The following TMEM132C variants were observed in gnomAD, a reference collection of about 807,000 sequenced individuals.
TMEM132C encodes the protein transmembrane protein 132C.
A neutral mutation model predicts 61.4 loss-of-function variants in TMEM132C; 29 were observed. That is an observed-to-expected ratio of 0.47 (90% CI 0.35 to 0.64). The LOEUF (loss-of-function observed/expected upper bound fraction) is 0.64. TMEM132C is among the 30% of genes least tolerant of loss of function. The probability of loss-of-function intolerance (pLI) is 0.00; values close to 1 mark genes in which losing one functional copy is unlikely to be tolerated. For missense variants in TMEM132C, 1,408 were observed against 1,476.9 expected, an observed-to-expected ratio of 0.95 and a Z score of 0.76; for synonymous variants, 656 against 633.1, an observed-to-expected ratio of 1.04 and a Z score of -0.54.
chr12:128,642,579 G>A lies in TMEM132C; in HGVS notation c.1305+26244G>A, dbSNP rs1034765425. On this transcript the variant is annotated intron_variant, in intron 4 of 8. Coordinates refer to ENST00000435159, the MANE Select transcript of TMEM132C (RefSeq NM_001136103.3). ...GGTTGTTAAAGAGTCTGAGACGTCC[G>A]CTTCTCTCTCTTGCTCCCTCTCTCG... Among the ~76,000 whole-genome samples the A allele has an allele frequency of 7.2e-5, 11 of 152,208 alleles. No individual in the cohort carries two copies. The East Asian group carries it at 2.1e-3, about 29-fold the overall frequency.
chr12:128,290,812 C>T (rs1871222061), intron 1 of TMEM132C, among the ~76,000 whole-genome samples: 1 of 143,746 alleles, frequency 7.0e-6, no homozygotes, highest in Non-Finnish European at 1.5e-5. Flanking sequence ...AAAAGAACAA[C>T]AAATAGATTC....
At chr12:128,618,942 T>A (rs1325539877) in intron 4 of TMEM132C, among the ~76,000 whole-genome samples, 5 of 152,226 alleles carry the variant, frequency 3.3e-5, no homozygotes, top group Non-Finnish European at 5.9e-5. Flanking sequence ...AGAAAATAGA[T>A]GAGGCAATTT....
chr12:128,371,370 A>G (rs1048772936), intron 1 of TMEM132C, among the ~76,000 whole-genome samples: 1 of 152,174 alleles, frequency 6.6e-6, no homozygotes, highest in African/African-American at 2.4e-5. Context: ...CAATCAAAGC[A>G]TCCATCTTCC....
chr12:128,337,337 C>T (rs929529792), intron 1 of TMEM132C, among the ~76,000 whole-genome samples: 3 of 152,038 alleles, frequency 2.0e-5, no homozygotes, highest in Admixed American at 6.6e-5. Flanking sequence ...TTCTATTGTT[C>T]GCGGGGACTC....
chr12:128,684,043 A>T (rs1184531996), intron 5 of TMEM132C, among the ~76,000 whole-genome samples: 4 of 152,026 alleles, frequency 2.6e-5, no homozygotes, highest in Non-Finnish European at 4.4e-5. Context: ...TTTTCCTGGA[A>T]CCGTCTTCCC....
chr12:128,356,246 A>G (rs1036024074), intron 1 of TMEM132C, among the ~76,000 whole-genome samples: 4 of 152,228 alleles, frequency 2.6e-5, no homozygotes. Flanking sequence ...CAGGAGGCTG[A>G]CTTTGTAAGA....
At chr12:128,424,068 A>C (rs1869095702) in intron 2 of TMEM132C, among the ~76,000 whole-genome samples, 1 of 150,794 alleles carries the variant, frequency 6.6e-6, no homozygotes, top group Non-Finnish European at 1.5e-5. Flanking sequence ...AAAAAAAAAA[A>C]AACTTTGGGA....
At chr12:128,678,478 A>ATCT (rs1005012390) in intron 5 of TMEM132C, among the ~76,000 whole-genome samples, 24 of 152,192 alleles carry the variant, frequency 1.6e-4, no homozygotes, top group African/African-American at 5.8e-4. Flanking sequence ...TTCTTCTTTA[A>ATCT]GCCTCAGTTC....
chr12:128,443,333 G>T (rs193117839), intron 2 of TMEM132C, among the ~76,000 whole-genome samples: 1 of 151,994 alleles, frequency 6.6e-6, no homozygotes, highest in Non-Finnish European at 1.5e-5. Context: ...CACTGCTCAG[G>T]TCACAGGTGC....
intron 3 of TMEM132C, among the ~76,000 whole-genome samples, chr12:128,611,958 A>G (rs187995630): frequency 1.1e-3 from 170 of 152,316 alleles, no homozygotes; most frequent in African/African-American, 3.9e-3. Context: ...ATGGGGTTGC[A>G]TTTTCTTCAA....
Position 128,415,131 on chromosome 12 carries a change from G to A in TMEM132C, c.485G>A (p.Gly162Asp), listed in dbSNP as rs928296587. 1.2e-6 allele frequency: 2 copies of A among 1,609,582 alleles called. No individual in the cohort carries two copies. The highest frequency in any genetic ancestry group is 2.7e-5 in the African/African-American group (2 of 74,762). The part of the protein sequence containing the change: ...HIMGRDWDDH[G>D]AGEKLPCLRV... ...ATGGGCAGAGACTGGGATGACCACG[G>A]CGCCGGGGAGAAGCTGCCATGCCTG... The change falls in exon 2 of 9, where the codon GGC becomes GAC. Residue 162 changes from glycine (G) to aspartate (D), a missense_variant. Physicochemically the swap from Gly to Asp is moderately conservative, Grantham distance 94. Coordinates refer to ENST00000435159, the MANE Select transcript of TMEM132C (RefSeq NM_001136103.3). The surrounding 1 kb of genome is among the most constrained non-coding windows in gnomAD (Gnocchi z 5.8).
chr12:128,606,952 G>T (rs76651609), intron 3 of TMEM132C, among the ~76,000 whole-genome samples: 9 of 152,270 alleles, frequency 5.9e-5, no homozygotes, highest in Admixed American at 2.6e-4. Flanking sequence ...CTTTCACGGG[G>T]CTTACATTTT....
chr12:128,495,018 G>C (rs1871892722), intron 2 of TMEM132C, among the ~76,000 whole-genome samples: 1 of 128,344 alleles, frequency 7.8e-6, no homozygotes, highest in African/African-American at 2.7e-5. Context: ...TGCTTTGAAT[G>C]TGTTCCAGAG....
intron 3 of TMEM132C, among the ~76,000 whole-genome samples, chr12:128,547,554 ACT>A (rs1873999133): frequency 7.2e-6 from 1 of 138,344 alleles, no homozygotes; most frequent in African/African-American, 2.8e-5. Flanking sequence ...ACAGAGCAAG[ACT>A]CTGTCTCACA....
intron 1 of TMEM132C, among the ~76,000 whole-genome samples, chr12:128,345,590 T>C (rs1873133835): frequency 6.6e-6 from 1 of 152,204 alleles, no homozygotes; most frequent in African/African-American, 2.4e-5. Context: ...TTTTTGACTT[T>C]TTAATAGTAG....
At chr12:128,395,166 T>C (rs1030973544) in intron 1 of TMEM132C, among the ~76,000 whole-genome samples, 7 of 150,536 alleles carry the variant, frequency 4.7e-5, no homozygotes, top group Non-Finnish European at 7.4e-5. Context: ...TATTTTATGG[T>C]AATAACAGAA....
intron 3 of TMEM132C, among the ~76,000 whole-genome samples, chr12:128,549,500 A>G (rs1334304778): frequency 3.9e-5 from 6 of 152,138 alleles, no homozygotes; most frequent in African/African-American, 7.2e-5. Flanking sequence ...AGCTTTAGAC[A>G]TCCCCTTTCC....
intron 2 of TMEM132C, among the ~76,000 whole-genome samples, chr12:128,488,102 C>G (rs1398531652): frequency 6.6e-6 from 1 of 152,140 alleles, no homozygotes; most frequent in Admixed American, 6.5e-5. Context: ...ACTACTCACA[C>G]CATAGCTAAT....
chr12:128,494,532 A>T (rs1871868653), intron 2 of TMEM132C, among the ~76,000 whole-genome samples: 1 of 152,202 alleles, frequency 6.6e-6, no homozygotes, highest in African/African-American at 2.4e-5. Flanking sequence ...AGAGCCTGTT[A>T]TTGGTCTATT....
Sources: gnomAD v4.1 joint callset for allele counts (sites outside exome capture counted in the v4.1 genomes callset) on GRCh38, gnomAD v4.1.1 for gene constraint, Gnocchi (gnomAD v3.1) non-coding constraint, MANE v1.5 for transcripts, NCBI Gene and HGNC (gene_info 2026-07-23, HGNC 2026-07-21) for gene names.